Variants in DIDO1 observed in about 807,000 individuals in gnomAD.
DIDO1 encodes the protein death-inducer obliterator 1.
In DIDO1, 16 loss-of-function variants were observed where a neutral mutation model predicts 99.4. That is an observed-to-expected ratio of 0.16 (90% CI 0.11 to 0.24). The LOEUF (loss-of-function observed/expected upper bound fraction) is 0.24. Ranked by LOEUF, DIDO1 falls within the 10% of genes least tolerant of loss-of-function variation. The probability of loss-of-function intolerance (pLI) is 1.00; values close to 1 mark genes in which losing one functional copy is unlikely to be tolerated. For synonymous variants in DIDO1, 1,366 were observed against 1,239.1 expected (o/e 1.10, Z -2.15); for missense variants, 2,996 against 3,014.0 (o/e 0.99, Z 0.14).
chr20:62,905,491 C>T (rs2064780880), intron 6 of DIDO1: 27 of 1,550,438 alleles, frequency 1.7e-5, no homozygotes, highest in Non-Finnish European at 2.4e-5. Context: ...GAAGCGTATA[C>T]AGCGCTGTTG....
Position 62,916,462 on chromosome 20 carries a change from T to C in DIDO1, c.-199-2056A>G, listed in dbSNP as rs879823647. ...TTTTGTCTCAAGACACTTTTACAAG[T>C]TGAGAACACCAAAGAGCTTTTGTTT... is the stretch of plus-strand genomic sequence containing the variant. On this transcript the variant is annotated intron_variant, in intron 1 of 15. Transcript: ENST00000395343. Among the ~76,000 whole-genome samples the C allele has an allele frequency of 5.9e-5, 9 of 152,342 alleles. No individual in the cohort carries two copies. In the South Asian group the frequency reaches 1.7e-3, roughly 28 times the overall value.
In DIDO1 at chr20:62,911,563, T is replaced by C. The variant is rs1386653996; in HGVS notation, c.50A>G (p.Lys17Arg). The C allele has an allele frequency of 5.0e-6, 8 of 1,609,362 alleles. No individual in the cohort carries two copies. The highest frequency in any genetic ancestry group is 1.7e-5 in the Admixed American group (1 of 59,414). ...TTTCCTGAACTCTTTGCTGGTGGGT[T>C]TGATGGCCTTAGGTGCCTCCTCATT... ...PSNEEAPKAI[K>R]PTSKEFRKTW... The change falls in exon 3 of 16, where the codon AAA becomes AGA. Residue 17 changes from lysine (K) to arginine (R), a missense_variant. Lys to Arg is a conservative substitution (Grantham distance 26). Transcript: ENST00000395343. The surrounding 1 kb of genome is among the most constrained non-coding windows in gnomAD (Gnocchi z 7.0).
At chr20:62,905,036 T>C (rs1452895717) in intron 6 of DIDO1, 1 of 989,160 alleles carries the variant, frequency 1.0e-6, no homozygotes, top group Non-Finnish European at 1.2e-6. Flanking sequence ...AGCAGAAAAC[T>C]GAGAAACAAG....
chr20:62,879,902 C>T lies in DIDO1; in HGVS notation c.6054G>A (p.Val2018=). 6.3e-7 allele frequency: 1 copy of T among 1,587,240 alleles called. No individual in the cohort carries two copies. The highest frequency in any genetic ancestry group is 8.6e-7 in the Non-Finnish European group (1 of 1,169,252). ...GCAGGGGCCTGGGGCCCGGCTTCAT[C>T]ACCTGCGGGGCCTGGCCCTGGAAGT... The part of the protein sequence containing the change: ...RFHFQGQAPQ[V]MKPGPRPLLE... Residue 2018 remains valine (V), a synonymous_variant, in exon 16 of 16, where the codon GTG becomes GTA. Transcript: ENST00000395343. The surrounding 1 kb of genome is among the most constrained non-coding windows in gnomAD (Gnocchi z 6.3).
rs2064827355 is a variant in DIDO1 at position 62,907,226 on chromosome 20, C to T, written c.1295G>A (p.Gly432Asp). The change falls in exon 5 of 16, where the codon GGT (glycine) becomes GAT (aspartate). Residue 432 changes from glycine (G) to aspartate (D), a missense_variant. By Grantham distance (94) the Gly-to-Asp change is moderately conservative. Around this residue, in one of 5 missense-constraint regions of DIDO1, gnomAD observed 898 missense variants for 972.7 expected, o/e 0.92. Coordinates refer to ENST00000395343, the MANE Select transcript of DIDO1 (RefSeq NM_001193369.2). Reference sequence around the variant, plus strand: ...TTTAGGCTTTGGCTTCTGTTCTTTACCTGAGCTTAGAAACTTCATTGTCGC... The same window carrying T: ...TTTAGGCTTTGGCTTCTGTTCTTTATCTGAGCTTAGAAACTTCATTGTCGC... ...AAATMKFLSSGKEQKPKPKEK... is the reference protein window; with the variant it reads ...AAATMKFLSSDKEQKPKPKEK... 1.2e-6 allele frequency: 2 copies of T among 1,614,268 alleles called. No individual in the cohort carries two copies. Among genetic ancestry groups the T allele is most frequent in the Non-Finnish European group, 1.7e-6 (2 of 1,180,054 alleles).
Position 62,893,717 on chromosome 20 carries a change from G to C in DIDO1, c.3050C>G (p.Ser1017Cys), listed in dbSNP as rs2064449830. 1.2e-6 allele frequency: 2 copies of C among 1,612,804 alleles called. No individual in the cohort carries two copies. Among genetic ancestry groups the C allele is most frequent in the Admixed American group, 3.3e-5 (2 of 59,996 alleles). The change falls in exon 12 of 16, where the codon TCC becomes TGC. Residue 1017 changes from serine (S) to cysteine (C), a missense_variant. By Grantham distance (112) the Ser-to-Cys change is moderately radical (BLOSUM62 -1). This residue lies in a region of DIDO1 where 898 missense variants were observed against 972.7 expected (regional missense o/e 0.92). Transcript: ENST00000395343. ...MVPKSILAKP[S>C]SSPDPRYLSV... Reference sequence around the variant, plus strand: ...CAGGTATCTTGGGTCAGGAGATGAGGATGGCTTAGCTAGTATGGACTTGGG... The same window carrying C: ...CAGGTATCTTGGGTCAGGAGATGAGCATGGCTTAGCTAGTATGGACTTGGG...
chr20:62,909,701 G>A lies in DIDO1; in HGVS notation c.1159C>T (p.Pro387Ser), dbSNP rs1252185876. 1 of 1,612,952 alleles carries A rather than the reference G, an allele frequency of 6.2e-7. No individual in the cohort carries two copies. The highest frequency in any genetic ancestry group is 8.5e-7 in the Non-Finnish European group (1 of 1,179,056). ...CGTCTCAGCGGACAAACACTTACAG[G>A]CTGGAAGATCTTGAGTTTCTTCTTG... ...SGKKKLKIFQ[P>S]VIEAPGASKC... is the part of the protein sequence containing the mutation. Residue 387 changes from proline to serine, a missense_variant and splice_region_variant, in exon 4 of 16, where the codon CCT (proline) becomes TCT (serine). This residue lies in a region of DIDO1 where 898 missense variants were observed against 972.7 expected (regional missense o/e 0.92). Transcript: ENST00000395343.
At position 62,893,762 on chromosome 20, in the gene DIDO1, A is replaced by G. The variant is rs202072191; in HGVS notation, c.3005T>C (p.Val1002Ala). 6.2e-7 allele frequency: 1 copy of G among 1,614,194 alleles called. No individual in the cohort carries two copies. Among genetic ancestry groups the G allele is most frequent in the African/African-American group, 1.3e-5 (1 of 75,056 alleles). The change falls in exon 12 of 16, where the codon GTC becomes GCC. Residue 1002 changes from valine (V) to alanine (A), a missense_variant. Physicochemically the swap from Val to Ala is moderately conservative, Grantham distance 64. Transcript: ENST00000395343. Reference protein sequence around the residue: ...VEARQDVPKPVLTSVMVPKSI... With the variant: ...VEARQDVPKPALTSVMVPKSI... ...CTTGGGCACCATCACAGAAGTCAAG[A>G]CAGGCTTCGGCACATCCTGTCTGGC...
chr20:62,904,872 T>A (rs752915943), intron 6 of DIDO1: 1 of 556,666 alleles, frequency 1.8e-6, no homozygotes, highest in East Asian at 1.5e-4. Context: ...GTGCCTTCCC[T>A]TAGGGAATCT....
chr20:62,924,709 A>T (rs745459439), intron 1 of DIDO1, among the ~76,000 whole-genome samples: 1 of 152,212 alleles, frequency 6.6e-6, no homozygotes, highest in Non-Finnish European at 1.5e-5. Context: ...TGCGAGGCTC[A>T]CATATGCACA....
intron 8 of DIDO1, among the ~76,000 whole-genome samples, chr20:62,895,912 T>C (rs1600945383): frequency 6.6e-6 from 1 of 152,204 alleles, no homozygotes; most frequent in Admixed American, 6.5e-5. Flanking sequence ...GATGAAGAAC[T>C]GGACTTTATT....
Position 62,896,273 on chromosome 20 carries a change from T to A in DIDO1, c.2174A>T (p.Tyr725Phe). 4 of 1,613,818 alleles carry A rather than the reference T, an allele frequency of 2.5e-6. No homozygotes were observed. The highest frequency in any genetic ancestry group is 3.4e-6 in the Non-Finnish European group (4 of 1,179,948). Residue 725 changes from tyrosine to phenylalanine, a missense_variant, in exon 8 of 16, where the codon TAT (tyrosine) becomes TTT (phenylalanine). Transcript: ENST00000395343. This position sits in a 1 kb window ranked among gnomAD's most constrained non-coding sequence, Gnocchi z 4.4. ...CTTCAGGTTGAACATGATGCTGCGA[T>A]ATTTACTCTTGTAGCGATTATCTGT... ...QVTDNRYKSK[Y>F]RSIMFNLKDP...
At chr20:62,920,504 G>A (rs1048513985) in intron 1 of DIDO1, among the ~76,000 whole-genome samples, 4 of 152,178 alleles carry the variant, frequency 2.6e-5, no homozygotes, top group South Asian at 2.1e-4. Context: ...TGCCCCAAGG[G>A]GCAAGCACAT....
At chr20:62,929,693 G>GTATA (rs565069048), upstream of DIDO1, among the ~76,000 whole-genome samples, 168 of 97,976 alleles carry the variant, frequency 1.7e-3, 27 homozygotes, top group East Asian at 8.5e-3. Flanking sequence ...AAAAGAAAAA[G>GTATA]TGTATATATA....
chr20:62,913,819 C>A (rs889771535), intron 2 of DIDO1, among the ~76,000 whole-genome samples: 1 of 152,226 alleles, frequency 6.6e-6, no homozygotes, highest in Non-Finnish European at 1.5e-5. Flanking sequence ...ACAGGAAGAG[C>A]TCTAGTTTAT....
chr20:62,880,795 C>A lies in DIDO1; in HGVS notation c.5161G>T (p.Gly1721Trp), dbSNP rs2064187636. 1 of 1,612,790 alleles carries A rather than the reference C, an allele frequency of 6.2e-7. No homozygotes were observed. The highest frequency in any genetic ancestry group is 8.5e-7 in the Non-Finnish European group (1 of 1,179,942). The stretch of plus-strand genomic sequence containing the variant: ...GGTCTGGCCTGTGGCTCTCTGTCCC[C>A]CTCTGTTTCACCTGCAGGGCTGCTG... ...RSSSPAGETE[G>W]DREPQARPGE... The change falls in exon 16 of 16, where the codon GGG becomes TGG. Residue 1721 changes from glycine (G) to tryptophan (W), a missense_variant. Gly to Trp is a radical substitution (Grantham distance 184). Coordinates refer to ENST00000395343, the MANE Select transcript of DIDO1 (RefSeq NM_001193369.2).
chr20:62,890,932 C>T, intron 15 of DIDO1, 28 bp downstream of exon 15: 1 of 1,612,758 alleles, frequency 6.2e-7, no homozygotes, highest in Non-Finnish European at 8.5e-7. Context: ...AGGTGGGCCT[C>T]ACCTCCACCC....
At chr20:62,937,349 C>T (rs997002473) in intron 1 of DIDO1, among the ~76,000 whole-genome samples, 1 of 149,854 alleles carries the variant, frequency 6.7e-6, no homozygotes, top group African/African-American at 2.5e-5. Flanking sequence ...CAAGTGCGGC[C>T]TCAACCCGCG....
At chr20:62,898,024 G>A (rs1235136884) in intron 6 of DIDO1, among the ~76,000 whole-genome samples, 1 of 152,228 alleles carries the variant, frequency 6.6e-6, no homozygotes, top group Non-Finnish European at 1.5e-5. Flanking sequence ...CCTGAGGAAA[G>A]GCTTTTCCAA....
Sources: allele counts gnomAD v4.1 joint callset (sites outside exome capture counted in the v4.1 genomes callset), GRCh38; gene constraint gnomAD v4.1.1; regional missense constraint gnomAD v4.1.1; non-coding constraint Gnocchi (gnomAD v3.1); transcripts MANE v1.5; gene names NCBI Gene and HGNC (gene_info 2026-07-23, HGNC 2026-07-21).